NXPE2: variants seen among roughly 807,000 people sequenced by gnomAD.
NXPE2 encodes neurexophilin and PC-esterase domain family member 2.
NXPE2 carries 34 observed loss-of-function variants against 34.4 expected under a neutral mutation model. The ratio of observed to expected loss-of-function variants is 0.99; its 90% CI spans 0.75 to 1.31. The LOEUF is 1.31. Ranked by LOEUF, NXPE2 falls within the 40% of genes most tolerant of loss-of-function variation. The pLI is 0.00. For missense variants in NXPE2, 649 were observed against 672.5 expected (o/e 0.97, Z 0.39); for synonymous variants, 235 against 231.3 (o/e 1.02, Z -0.15).
chr11:114,487,010 AT>A, the NXPE2 span, among the ~76,000 whole-genome samples: 22 of 150,748 alleles, frequency 1.5e-4, no homozygotes, highest in Non-Finnish European at 2.4e-4. Flanking sequence ...ACATTTTAGG[AT>A]TTTTTTTTCT....
At chr11:114,729,669 AT>A in the NXPE2 span, among the ~76,000 whole-genome samples, 6 of 151,916 alleles carry the variant, frequency 3.9e-5, no homozygotes, top group Non-Finnish European at 7.4e-5. Flanking sequence ...GATGTTGGGC[AT>A]TTTTTCACAT....
At chr11:114,673,978 T>C (rs1015656003), upstream of NXPE2, among the ~76,000 whole-genome samples, 2 of 151,842 alleles carry the variant, frequency 1.3e-5, no homozygotes, top group African/African-American at 2.4e-5. Context: ...TCTTCACAAG[T>C]ACAGGATAAA....
the NXPE2 span, among the ~76,000 whole-genome samples, chr11:114,733,089 G>T: frequency 8.6e-5 from 13 of 151,992 alleles, no homozygotes; most frequent in South Asian, 4.2e-4. Flanking sequence ...AAAATATTGG[G>T]TTTTTTGTTT....
In NXPE2 at chr11:114,698,557, C is replaced by G; in HGVS notation, c.645C>G (p.Ile215Met). The G allele has an allele frequency of 6.2e-7, 1 of 1,614,182 alleles. No homozygotes were observed. Among genetic ancestry groups the G allele is most frequent in the Non-Finnish European group, 8.5e-7 (1 of 1,180,012 alleles). The change falls in exon 3 of 6, where the codon ATC (isoleucine) becomes ATG (methionine). Residue 215 changes from isoleucine (I) to methionine (M), a missense_variant. By Grantham distance (10) the Ile-to-Met change is conservative. Transcript: ENST00000389586. Reference protein sequence around the residue: ...RARNQGCDRIIFTGLFANRSS... With the variant: ...RARNQGCDRIMFTGLFANRSS... ...GGAACCAAGGATGTGATAGGATCAT[C>G]TTCACTGGCCTGTTTGCCAACAGAA...
the NXPE2 span, among the ~76,000 whole-genome samples, chr11:114,787,597 C>T: frequency 6.6e-6 from 1 of 152,142 alleles, no homozygotes; most frequent in African/African-American, 2.4e-5. Flanking sequence ...CTGAAATATT[C>T]ATCTGGGCTG....
chr11:114,787,226 G>C, the NXPE2 span, among the ~76,000 whole-genome samples: 200 of 152,264 alleles, frequency 1.3e-3, no homozygotes, highest in Non-Finnish European at 2.0e-3. Context: ...AAAAGCTCGG[G>C]AGCCTCCCTT....
At chr11:114,613,451 C>G in the NXPE2 span, among the ~76,000 whole-genome samples, 1 of 151,920 alleles carries the variant, frequency 6.6e-6, no homozygotes, top group African/African-American at 2.4e-5. Context: ...TGTGTAACCA[C>G]TGTTACCTGC....
chr11:114,675,378 C>G (rs1374242770), upstream of NXPE2, among the ~76,000 whole-genome samples: 2 of 151,582 alleles, frequency 1.3e-5, no homozygotes, highest in African/African-American at 4.8e-5. Context: ...TTCTGTTTGC[C>G]AGTGACAGGA....
the NXPE2 span, among the ~76,000 whole-genome samples, chr11:114,662,558 C>T: frequency 6.6e-6 from 1 of 152,106 alleles, no homozygotes; most frequent in African/African-American, 2.4e-5. Context: ...TCTGAGACAC[C>T]AGCTGCGGTG....
the NXPE2 span, among the ~76,000 whole-genome samples, chr11:114,472,097 C>T: frequency 9.2e-5 from 14 of 152,222 alleles, no homozygotes; most frequent in African/African-American, 3.4e-4. Context: ...CATTTGGCCT[C>T]TAGCCCCATG....
At chr11:114,767,474 T>C in the NXPE2 span, among the ~76,000 whole-genome samples, 4 of 152,208 alleles carry the variant, frequency 2.6e-5, no homozygotes, top group African/African-American at 9.6e-5. Context: ...TCCCTGGGCT[T>C]GCAGTTTCCA....
At chr11:114,534,595 C>A in the NXPE2 span, among the ~76,000 whole-genome samples, 2,098 of 152,198 alleles carry the variant, frequency 0.014, 39 homozygotes, top group African/African-American at 0.047. Context: ...CTTAAAGGAC[C>A]TGATGGAGCT....
chr11:114,606,769 C>T, the NXPE2 span, among the ~76,000 whole-genome samples: 1 of 151,882 alleles, frequency 6.6e-6, no homozygotes, highest in South Asian at 2.1e-4. Context: ...ACAGGGGTAA[C>T]CACTATTATC....
At chr11:114,552,711 G>T in the NXPE2 span, 1 of 174,998 alleles carries the variant, frequency 5.7e-6, no homozygotes, top group Non-Finnish European at 1.1e-5. Flanking sequence ...ATTTTTCCTT[G>T]CCTAGAAAGT....
chr11:114,614,871 C>T, the NXPE2 span, among the ~76,000 whole-genome samples: 1 of 151,712 alleles, frequency 6.6e-6, no homozygotes. Context: ...CCACTGTTTC[C>T]CAGTGTATAA....
the NXPE2 span, among the ~76,000 whole-genome samples, chr11:114,807,662 A>C: frequency 0.96 from 144,095 of 150,584 alleles, 69,280 homozygotes; most frequent in Middle Eastern, 1. Context: ...TATATATGCA[A>C]CCAATACAGG....
chr11:114,601,882 AAT>A, the NXPE2 span, among the ~76,000 whole-genome samples: 1 of 1,278 alleles, frequency 7.8e-4, no homozygotes, highest in Non-Finnish European at 1.3e-3. Flanking sequence ...TATTATATAT[AAT>A]TATATATTAT....
At chr11:114,654,656 T>C in the NXPE2 span, among the ~76,000 whole-genome samples, 1 of 152,218 alleles carries the variant, frequency 6.6e-6, no homozygotes. Flanking sequence ...ATCTCGTTCC[T>C]TTTTTATGGA....
chr11:114,679,688 C>A lies in NXPE2; in HGVS notation c.58C>A (p.Arg20=), dbSNP rs998196966. The A allele has an allele frequency of 6.5e-7, 1 of 1,549,522 alleles. No individual in the cohort carries two copies. The highest frequency in any genetic ancestry group is 8.7e-7 in the Non-Finnish European group (1 of 1,145,572). The change falls in exon 2 of 6, where the codon CGA becomes AGA. Residue 20 remains arginine, a synonymous_variant. Transcript: ENST00000389586. The part of the protein sequence containing the change: ...ILTLFPNAIA[R]KLLLMLTFIL... The stretch of plus-strand genomic sequence containing the variant: ...CACTTTGTTTCCAAATGCCATAGCT[C>A]GAAAATTACTGCTGATGTTGACATT...
Sources: allele counts gnomAD v4.1 joint callset (sites outside exome capture counted in the v4.1 genomes callset), GRCh38; gene constraint gnomAD v4.1.1; transcripts MANE v1.5; gene names NCBI Gene and HGNC (gene_info 2026-07-23, HGNC 2026-07-21).